Variants in FHIP1B observed in about 807,000 individuals in gnomAD.
FHIP1B encodes the protein FHF complex subunit HOOK interacting protein 1B.
FHIP1B carries 28 observed loss-of-function variants against 82.2 expected under a neutral mutation model. The ratio of observed to expected loss-of-function variants is 0.34; its 90% CI spans 0.25 to 0.47. The LOEUF is 0.47. FHIP1B is among the 20% of genes least tolerant of loss of function. The pLI, the probability that FHIP1B is intolerant of heterozygous loss-of-function variation, is 1.00. For synonymous variants in FHIP1B, 585 were observed against 516.1 expected, an observed-to-expected ratio of 1.13 and a Z score of -1.81; for missense variants, 1,110 against 1,262.6, an observed-to-expected ratio of 0.88 and a Z score of 1.83.
Position 6,224,500 on chromosome 11 carries a change from C to T in FHIP1B, c.17G>A (p.Trp6Ter), listed in dbSNP as rs1158474011. The T allele has an allele frequency of 6.2e-7, 1 of 1,612,958 alleles. No individual in the cohort carries two copies. The highest frequency in any genetic ancestry group is 1.7e-5 in the Admixed American group (1 of 59,894). Residue 6 changes from tryptophan to a stop codon, truncating the protein, a stop_gained, in exon 2 of 12, where the codon TGG (tryptophan) becomes TAG (stop). Coordinates refer to ENST00000449352, the MANE Select transcript of FHIP1B (RefSeq NM_001098794.2). LOFTEE classifies it high-confidence loss of function. The part of the protein sequence containing the change: MERMN[W>*]LSRLASRGPG... ...GCCCCGGGAGGCCAGTCTGCTCAGC[C>T]AATTCATCCTCTCCATGAGGCAGGC... is the stretch of plus-strand genomic sequence containing the variant.
chr11:6,217,152 A>C (rs775785807), intron 9 of FHIP1B: 95 of 704,534 alleles, frequency 1.3e-4, no homozygotes, highest in Non-Finnish European at 7.8e-5. Flanking sequence ...CTCAGATGTA[A>C]GTCAATACTC....
chr11:6,211,938 C>G, intron 11 of FHIP1B, 71 bp from the exon 12 acceptor site: 8 of 1,480,138 alleles, frequency 5.4e-6, no homozygotes, highest in Non-Finnish European at 7.1e-6. Flanking sequence ...AGGGGAGATT[C>G]CCCCACCCCC....
At position 6,224,433 on chromosome 11, in the gene FHIP1B, T is replaced by G; in HGVS notation, c.84A>C (p.Pro28=). 1.9e-6 allele frequency: 3 copies of G among 1,614,120 alleles called. No homozygotes were observed. The highest frequency in any genetic ancestry group is 1.3e-5 in the African/African-American group (1 of 75,036). The change falls in exon 2 of 12, where the codon CCA becomes CCC. Residue 28 remains proline, a synonymous_variant. Coordinates refer to ENST00000449352, the MANE Select transcript of FHIP1B (RefSeq NM_001098794.2). ...GGCAGGTCTCGGGATCAGCCATGAC[T>G]GGGGTTTGGAGATTGGCCCCTTGAG... The part of the protein sequence containing the change: ...RIPQGANLQT[P]VMADPETCLM...
chr11:6,218,849 T>C (rs1847325947), intron 7 of FHIP1B, 86 bp from the exon 8 acceptor site: 3 of 1,573,622 alleles, frequency 1.9e-6, no homozygotes, highest in South Asian at 1.1e-5. Flanking sequence ...TGAAACTGCA[T>C]GGTTAAGCCA....
rs199665374 is a variant in FHIP1B, at chr11:6,211,811, T to C, written c.2614A>G (p.Thr872Ala). The change falls in exon 12 of 12, where the codon ACC becomes GCC. Residue 872 changes from threonine to alanine, a missense_variant. By Grantham distance (58) the Thr-to-Ala change is moderately conservative. Around this residue, in one of 6 missense-constraint regions of FHIP1B, gnomAD observed 147 missense variants for 154.0 expected, o/e 0.95. Coordinates refer to ENST00000449352, the MANE Select transcript of FHIP1B (RefSeq NM_001098794.2). Reference protein sequence around the residue: ...ELLLRHAHSPTRARQAAQLVL... With the variant: ...ELLLRHAHSPARARQAAQLVL... Reference sequence around the variant, plus strand: ...AATTGTGCCGCCTGCCGGGCCCTGGTTGGACTGTGTGCATGCCGCAGGAGT... The same window carrying C: ...AATTGTGCCGCCTGCCGGGCCCTGGCTGGACTGTGTGCATGCCGCAGGAGT... The C allele has an allele frequency of 4.3e-6, 7 of 1,611,144 alleles. No homozygotes were observed. The highest frequency in any genetic ancestry group is 1.1e-5 in the South Asian group (1 of 90,692).
chr11:6,224,844 A>C, intron 1 of FHIP1B, 137 bp from the exon 2 acceptor site: 1 of 231,734 alleles, frequency 4.3e-6, no homozygotes, highest in Non-Finnish European at 8.4e-6. Context: ...ACATGTCTAA[A>C]ACAGAACTCA....
rs1348286917 is a variant in FHIP1B, at chr11:6,224,851, C to T, written c.-191-144G>A. The T allele has an allele frequency of 1.8e-5, 4 of 226,378 alleles. No individual in the cohort carries two copies. The East Asian group carries it at 3.8e-4, about 22-fold the overall frequency. The allele number at this position is 226,378 out of a possible 1,614,324, so 14.0% of individuals were successfully genotyped here. ...AGCAACTGACATGTCTAAAACAGAA[C>T]TCAGATTTCTACCACCAAACCTGTT... On this transcript the variant is annotated intron_variant, in intron 1 of 11. Coordinates refer to ENST00000449352, the MANE Select transcript of FHIP1B (RefSeq NM_001098794.2).
rs1397354430 is a variant in FHIP1B at position 6,224,420 on chromosome 11, G to A, written c.97C>T (p.Pro33Ser). 2.5e-6 allele frequency: 4 copies of A among 1,614,162 alleles called. No homozygotes were observed. Among genetic ancestry groups the A allele is most frequent in the Middle Eastern group, 1.6e-4 (1 of 6,062 alleles). Reference protein sequence around the residue: ...ANLQTPVMADPETCLMVFKNH... With the variant: ...ANLQTPVMADSETCLMVFKNH... ...TTGAAGACCATGAGGCAGGTCTCGG[G>A]ATCAGCCATGACTGGGGTTTGGAGA... The change falls in exon 2 of 12, where the codon CCC (proline) becomes TCC (serine). Residue 33 changes from proline to serine, a missense_variant. This residue lies in a region of FHIP1B where 467 missense variants were observed against 602.9 expected (regional missense o/e 0.77). Coordinates refer to ENST00000449352, the MANE Select transcript of FHIP1B (RefSeq NM_001098794.2).
chr11:6,214,674 G>T, intron 10 of FHIP1B, 59 bp downstream of exon 10: 1 of 1,545,012 alleles, frequency 6.5e-7, no homozygotes, highest in Non-Finnish European at 8.8e-7. Flanking sequence ...GGTCACTCCA[G>T]CTGCGGGCCT....
At chr11:6,218,922 C>A in intron 7 of FHIP1B, 49 bp downstream of exon 7, 1 of 1,601,180 alleles carries the variant, frequency 6.2e-7, no homozygotes, top group Non-Finnish European at 8.6e-7. Context: ...ATGCATAAGA[C>A]TCTGAGGCTT....
Position 6,214,784 on chromosome 11 carries a change from G to T in FHIP1B, c.2343C>A (p.Phe781Leu), listed in dbSNP as rs141358000. The change falls in exon 10 of 12, where the codon TTC (phenylalanine) becomes TTA (leucine). Residue 781 changes from phenylalanine (F) to leucine (L), a missense_variant. Coordinates refer to ENST00000449352, the MANE Select transcript of FHIP1B (RefSeq NM_001098794.2). ...GGAAGACCATGTTGGTGTTGAGCAG[G>T]AAAGAGCGGAGCAGGGGCTGGGGGT... is the stretch of plus-strand genomic sequence containing the variant. ...ACHPQPLLRS[F>L]LLNTNMVFQP... The T allele has an allele frequency of 5.0e-6, 8 of 1,608,364 alleles. No homozygotes were observed. The highest frequency in any genetic ancestry group is 4.0e-5 in the African/African-American group (3 of 74,698).
chr11:6,220,371 C>G (rs576149143), intron 6 of FHIP1B, among the ~76,000 whole-genome samples: 2 of 152,116 alleles, frequency 1.3e-5, no homozygotes, highest in African/African-American at 4.8e-5. Flanking sequence ...ACCCCACCCC[C>G]CAAAATTTTG....
At chr11:6,220,914 G>A (rs1847388304) in intron 6 of FHIP1B, among the ~76,000 whole-genome samples, 1 of 152,138 alleles carries the variant, frequency 6.6e-6, no homozygotes, top group Non-Finnish European at 1.5e-5. Flanking sequence ...AATACTTTTG[G>A]TATCTTTGTA....
At chr11:6,231,427 C>G (rs1847694096) in intron 1 of FHIP1B, among the ~76,000 whole-genome samples, 1 of 150,724 alleles carries the variant, frequency 6.6e-6, no homozygotes, top group Admixed American at 6.6e-5. Context: ...GGAAAGATGA[C>G]ACTAGATACA....
At chr11:6,218,452 A>C in intron 8 of FHIP1B, 148 bp downstream of exon 8, 3 of 1,251,366 alleles carry the variant, frequency 2.4e-6, no homozygotes, top group Non-Finnish European at 3.4e-6. Flanking sequence ...CCTCCCTGCA[A>C]GACACCCTCA....
rs755570221 is a variant in FHIP1B, at chr11:6,218,079, C to T, written c.1507G>A (p.Ala503Thr). Reference sequence around the variant, plus strand: ...AGGCTCTGCTGCCGCAGGAAGAGAGCCAGACGAGATGGTGTGGAGGGCCGG... The same window carrying T: ...AGGCTCTGCTGCCGCAGGAAGAGAGTCAGACGAGATGGTGTGGAGGGCCGG... ...VPRPSTPSRLALFLRQQSLGG... is the reference protein window; with the variant it reads ...VPRPSTPSRLTLFLRQQSLGG... The change falls in exon 9 of 12, where the codon GCT becomes ACT. Residue 503 changes from alanine (A) to threonine (T), a missense_variant. Transcript: ENST00000449352. 48 of 1,613,316 alleles carry T rather than the reference C, an allele frequency of 3.0e-5. No individual in the cohort carries two copies. In the African/African-American group the frequency reaches 6.0e-4, roughly 20 times the overall value.
In FHIP1B at chr11:6,222,689, A is replaced by C. The variant is rs115639377; in HGVS notation, c.1024-80T>G. 336 of 1,576,204 alleles carry C rather than the reference A, an allele frequency of 2.1e-4. 1 individual carries two copies. In the African/African-American group the frequency reaches 3.9e-3, roughly 18 times the overall value. The stretch of plus-strand genomic sequence containing the variant: ...GCCATTTTCCCTGGATTCTAAGAGA[A>C]ATCAGGAGCAGACAGGGCAAAAGGG... On this transcript the variant is annotated intron_variant, in intron 5 of 11. Transcript: ENST00000449352.
chr11:6,231,943 G>A (rs1847710538), intron 1 of FHIP1B, among the ~76,000 whole-genome samples: 1 of 152,202 alleles, frequency 6.6e-6, no homozygotes, highest in South Asian at 2.1e-4. Flanking sequence ...CCCATAAAAT[G>A]TGAGCATCAC....
At chr11:6,228,544 A>C (rs765333972) in intron 1 of FHIP1B, among the ~76,000 whole-genome samples, 11 of 152,224 alleles carry the variant, frequency 7.2e-5, no homozygotes, top group Non-Finnish European at 1.0e-4. Flanking sequence ...TCAGAAAAAT[A>C]GGTAAGACAC....
Sources: allele counts gnomAD v4.1 joint callset (sites outside exome capture counted in the v4.1 genomes callset), GRCh38; gene constraint gnomAD v4.1.1; regional missense constraint gnomAD v4.1.1; transcripts MANE v1.5; gene names NCBI Gene and HGNC (gene_info 2026-07-23, HGNC 2026-07-21).